The following FLRT1 variants were observed in gnomAD, a reference collection of about 807,000 sequenced individuals.
FLRT1 encodes the protein leucine-rich repeat transmembrane protein FLRT1.
A neutral mutation model predicts 30.9 loss-of-function variants in FLRT1; 14 were observed. The ratio of observed to expected loss-of-function variants is 0.45; its 90% CI spans 0.30 to 0.71. The LOEUF is 0.71. FLRT1 is among the 30% of genes least tolerant of loss of function. The pLI, the probability that FLRT1 is intolerant of heterozygous loss-of-function variation, is 0.08. For synonymous variants in FLRT1, 368 were observed against 430.4 expected, an observed-to-expected ratio of 0.85 and a Z score of 1.80; for missense variants, 737 against 949.2, an observed-to-expected ratio of 0.78 and a Z score of 2.94.
chr11:64,064,920 C>T lies in FLRT1; in HGVS notation c.-1038+28761C>T, dbSNP rs544892650. ...CCCACCTATGACGTGCCAGGCAAGG[C>T]GGCAGGCAGGAGGGCCACCATGGTG... is the stretch of plus-strand genomic sequence containing the variant. On this transcript the variant is annotated intron_variant, in intron 1 of 2. Transcript: ENST00000682287. This position sits in a 1 kb window ranked among gnomAD's most constrained non-coding sequence, Gnocchi z 4.5. 3.3e-5 allele frequency among the ~76,000 whole-genome samples: 5 copies of T among 151,804 alleles called. No individual in the cohort carries two copies. Among genetic ancestry groups the T allele is most frequent in the African/African-American group, 9.7e-5 (4 of 41,328 alleles).
At chr11:64,059,960 C>T (rs1943866352) in intron 1 of FLRT1, among the ~76,000 whole-genome samples, 2 of 151,942 alleles carry the variant, frequency 1.3e-5, no homozygotes, top group East Asian at 1.9e-4. Flanking sequence ...GTTGGGGGGC[C>T]GGGGCACCCT....
chr11:64,037,376 G>A (rs552288389), intron 1 of FLRT1, among the ~76,000 whole-genome samples: 2 of 152,082 alleles, frequency 1.3e-5, no homozygotes, highest in Admixed American at 1.3e-4. Flanking sequence ...CCAGATTCCA[G>A]TTTCTGGAGT....
intron 1 of FLRT1, among the ~76,000 whole-genome samples, chr11:64,094,044 C>T (rs183943892): frequency 1.3e-5 from 2 of 152,344 alleles, no homozygotes; most frequent in Non-Finnish European, 2.9e-5. Context: ...TGCCTGTAAT[C>T]CCAGCACTTT....
intron 1 of FLRT1, among the ~76,000 whole-genome samples, chr11:64,077,799 G>T (rs547487771): frequency 1.3e-5 from 2 of 152,212 alleles, no homozygotes; most frequent in Non-Finnish European, 2.9e-5. Flanking sequence ...CTGGGCCTCC[G>T]GCCGCCGCTC....
At chr11:64,057,760 G>A (rs1943816818) in intron 1 of FLRT1, among the ~76,000 whole-genome samples, 1 of 152,242 alleles carries the variant, frequency 6.6e-6, no homozygotes, top group South Asian at 2.1e-4. Context: ...GAGGAGGAAG[G>A]GGACAGCCAC....
At chr11:64,088,202 T>C (rs2134513175) in intron 1 of FLRT1, among the ~76,000 whole-genome samples, 1 of 152,136 alleles carries the variant, frequency 6.6e-6, no homozygotes, top group East Asian at 1.9e-4. Flanking sequence ...TCCAGGGGTG[T>C]AGGGTGGGGA....
At chr11:64,052,383 C>T (rs1481454749) in intron 1 of FLRT1, among the ~76,000 whole-genome samples, 1 of 152,226 alleles carries the variant, frequency 6.6e-6, no homozygotes, top group Non-Finnish European at 1.5e-5. Context: ...CACTAGGCTG[C>T]CCAGGCTGGA....
intron 2 of FLRT1, among the ~76,000 whole-genome samples, chr11:64,115,653 C>A (rs1944963933): frequency 6.6e-6 from 1 of 152,228 alleles, no homozygotes; most frequent in South Asian, 2.1e-4. Flanking sequence ...TTCGTTCCCG[C>A]AGGTTCTGGC....
intron 1 of FLRT1, among the ~76,000 whole-genome samples, chr11:64,078,063 G>T (rs1300375893): frequency 6.6e-6 from 1 of 152,216 alleles, no homozygotes; most frequent in Non-Finnish European, 1.5e-5. Flanking sequence ...GCAGCTCTGG[G>T]AATGGCCTTC....
intron 1 of FLRT1, among the ~76,000 whole-genome samples, chr11:64,048,945 G>C (rs1456729822): frequency 6.6e-6 from 1 of 152,224 alleles, no homozygotes; most frequent in Non-Finnish European, 1.5e-5. Context: ...TCTGGTGTGA[G>C]GGAGAGCCTG....
chr11:64,036,619 C>G lies in FLRT1; in HGVS notation c.-1038+460C>G, dbSNP rs1311812777. On this transcript the variant is annotated intron_variant, in intron 1 of 2. Coordinates refer to ENST00000682287, the MANE Select transcript of FLRT1 (RefSeq NM_013280.5). This position sits in a 1 kb window ranked among gnomAD's most constrained non-coding sequence, Gnocchi z 5.6. ...CGGCCTGGGCGCCGCGCTCCCGTCCCCACCAGCCGCGTGAGTCACGGTTGG... is the reference window on the plus strand; with the variant it reads ...CGGCCTGGGCGCCGCGCTCCCGTCCGCACCAGCCGCGTGAGTCACGGTTGG... Among the ~76,000 whole-genome samples, 1 of 152,196 alleles carries G rather than the reference C, an allele frequency of 6.6e-6. No individual in the cohort carries two copies. The highest frequency in any genetic ancestry group is 1.5e-5 in the Non-Finnish European group (1 of 68,030).
intron 1 of FLRT1, among the ~76,000 whole-genome samples, chr11:64,071,025 A>C (rs1944099497): frequency 6.6e-6 from 1 of 152,054 alleles, no homozygotes; most frequent in Non-Finnish European, 1.5e-5. Flanking sequence ...CAGAGCGGCC[A>C]TACTCATCTC....
intron 1 of FLRT1, among the ~76,000 whole-genome samples, chr11:64,092,953 C>A (rs1565228964): frequency 6.6e-6 from 1 of 152,224 alleles, no homozygotes; most frequent in Non-Finnish European, 1.5e-5. Flanking sequence ...TGCCCTGTGA[C>A]CCTGCAGAGG....
chr11:64,106,676 T>C (rs1944768284), intron 2 of FLRT1, among the ~76,000 whole-genome samples: 1 of 152,054 alleles, frequency 6.6e-6, no homozygotes, highest in African/African-American at 2.4e-5. Context: ...GTCACACTGC[T>C]CCTCTCCAGG....
At chr11:64,076,743 C>T (rs1041184648) in intron 1 of FLRT1, among the ~76,000 whole-genome samples, 1 of 152,188 alleles carries the variant, frequency 6.6e-6, no homozygotes, top group South Asian at 2.1e-4. Context: ...GACAACACTG[C>T]GATGAGCATG....
chr11:64,104,617 G>A (rs949535999), intron 2 of FLRT1, among the ~76,000 whole-genome samples: 1 of 152,082 alleles, frequency 6.6e-6, no homozygotes, highest in Non-Finnish European at 1.5e-5. Context: ...GCCCTTGAAC[G>A]AGAGGGAGTC....
At chr11:64,106,948 C>A (rs1332324547) in intron 2 of FLRT1, among the ~76,000 whole-genome samples, 1 of 152,104 alleles carries the variant, frequency 6.6e-6, no homozygotes, top group Non-Finnish European at 1.5e-5. Flanking sequence ...GTGGCACGAT[C>A]TCTCGGCTCA....
intron 1 of FLRT1, among the ~76,000 whole-genome samples, chr11:64,052,258 G>GA (rs999936249): frequency 6.6e-6 from 1 of 151,538 alleles, no homozygotes; most frequent in Non-Finnish European, 1.5e-5. Flanking sequence ...CGGGGTGGGG[G>GA]AAAAAAAACA....
intron 1 of FLRT1, among the ~76,000 whole-genome samples, chr11:64,065,059 AG>A (rs1191801091): frequency 2.0e-5 from 3 of 152,222 alleles, no homozygotes; most frequent in Non-Finnish European, 4.4e-5. Context: ...GAAGCCCAGC[AG>A]GGCCCAGCAC....
Sources: gnomAD v4.1 joint callset for allele counts (sites outside exome capture counted in the v4.1 genomes callset) on GRCh38, gnomAD v4.1.1 for gene constraint, Gnocchi (gnomAD v3.1) non-coding constraint, MANE v1.5 for transcripts, NCBI Gene and HGNC (gene_info 2026-07-23, HGNC 2026-07-21) for gene names.